Variants in CNTNAP5 observed in about 807,000 individuals in gnomAD.
The protein encoded by CNTNAP5 is contactin-associated protein-like 5.
CNTNAP5 carries 72 observed loss-of-function variants against 150.2 expected under a neutral mutation model. That is an observed-to-expected ratio of 0.48 (90% confidence interval 0.40 to 0.58). The LOEUF is 0.58. Among genes scored for constraint, CNTNAP5 ranks in the 20% least tolerant of loss-of-function variants. The probability of loss-of-function intolerance (pLI) is 0.00; values close to 1 mark genes in which losing one functional copy is unlikely to be tolerated. For missense variants in CNTNAP5, 1,636 were observed against 1,626.2 expected (o/e 1.01, Z -0.10); for synonymous variants, 672 against 619.8 (o/e 1.08, Z -1.25).
intron 3 of CNTNAP5, among the ~76,000 whole-genome samples, chr2:124,291,236 A>G (rs1688282399): frequency 6.6e-6 from 1 of 152,134 alleles, no homozygotes; most frequent in South Asian, 2.1e-4. Flanking sequence ...TATCACTGCT[A>G]CCTACAACCA....
At chr2:124,662,015 C>CGATAGGCCT (rs1678603165) in intron 13 of CNTNAP5, among the ~76,000 whole-genome samples, 1 of 152,076 alleles carries the variant, frequency 6.6e-6, no homozygotes, top group African/African-American at 2.4e-5. Flanking sequence ...TCCCACCCCC[C>CGATAGGCCT]GATAGGCCTC....
intron 3 of CNTNAP5, among the ~76,000 whole-genome samples, chr2:124,265,394 C>G (rs1339986407): frequency 6.6e-6 from 1 of 152,164 alleles, no homozygotes; most frequent in African/African-American, 2.4e-5. Context: ...GCTGACTGCA[C>G]TAATGGGGTC....
chr2:124,025,555 GT>G lies in CNTNAP5; in HGVS notation c.-95del. The G allele has an allele frequency of 9.4e-7, 1 of 1,067,842 alleles. No homozygotes were observed. The highest frequency in any genetic ancestry group is 1.4e-6 in the Non-Finnish European group (1 of 689,812). The allele number at this position is 1,067,842 out of a possible 1,614,324, so 66.1% of individuals were successfully genotyped here. A position where few individuals can be genotyped will look rare whatever the true frequency, so the allele number is the denominator to read the frequency against. ...CCTCTCCAAGCGGGGGTGGGAGGGG[GT>G]CAGGCTGTGCAGAGGAGAGAGACAG... On this transcript the variant is annotated 5_prime_UTR_variant, in exon 1 of 24. Coordinates refer to ENST00000682447, the MANE Select transcript of CNTNAP5 (RefSeq NM_001367498.1).
chr2:124,161,663 G>T (rs1037452279), intron 1 of CNTNAP5, among the ~76,000 whole-genome samples: 1 of 152,130 alleles, frequency 6.6e-6, no homozygotes, highest in Non-Finnish European at 1.5e-5. Context: ...TAAAGAAAAT[G>T]ATTTTGAAAG....
intron 1 of CNTNAP5, among the ~76,000 whole-genome samples, chr2:124,081,777 G>T (rs1045215307): frequency 1.3e-5 from 2 of 152,178 alleles, no homozygotes; most frequent in Admixed American, 6.5e-5. Context: ...TGTTCATTTT[G>T]AGATAGTTGT....
rs569179755 is a variant in CNTNAP5, at chr2:124,229,537, G to GA, written c.187+7734dup. On this transcript the variant is annotated intron_variant, in intron 2 of 23. Transcript: ENST00000682447. ...GAGAACTAATTACTTTTGGAAAAAAGAAAAAACAAACACAACAAAATACAT... is the reference window on the plus strand; with the variant it reads ...GAGAACTAATTACTTTTGGAAAAAAGAAAAAAACAAACACAACAAAATACAT... Among the ~76,000 whole-genome samples, 818 of 152,126 alleles carry GA rather than the reference G, an allele frequency of 5.4e-3. 5 individuals carry two copies. The highest frequency in any genetic ancestry group is 0.012 in the Admixed American group (176 of 15,272).
chr2:124,600,285 T>G (rs771894184), intron 11 of CNTNAP5, among the ~76,000 whole-genome samples: 3 of 152,056 alleles, frequency 2.0e-5, no homozygotes, highest in Non-Finnish European at 2.9e-5. Context: ...GCAACTTCAG[T>G]GATGGGGTGC....
At chr2:124,758,435 ATGTG>A (rs374940333) in intron 14 of CNTNAP5, among the ~76,000 whole-genome samples, 1 of 151,782 alleles carries the variant, frequency 6.6e-6, no homozygotes, top group East Asian at 1.9e-4. Flanking sequence ...ATGAAGGAAC[ATGTG>A]TGTGTGTGTC....
chr2:124,697,381 G>T (rs1254823389), intron 13 of CNTNAP5, among the ~76,000 whole-genome samples: 2 of 152,010 alleles, frequency 1.3e-5, no homozygotes, highest in African/African-American at 4.8e-5. Context: ...GCTCCTCTTG[G>T]CTCTGACAGT....
intron 3 of CNTNAP5, among the ~76,000 whole-genome samples, chr2:124,277,112 C>G (rs1245306101): frequency 1.3e-5 from 2 of 152,084 alleles, no homozygotes; most frequent in African/African-American, 4.8e-5. Context: ...ATGTTGCTCC[C>G]TGAAACCCAA....
At chr2:124,105,799 C>T (rs555058076) in intron 1 of CNTNAP5, among the ~76,000 whole-genome samples, 24 of 151,934 alleles carry the variant, frequency 1.6e-4, no homozygotes, top group South Asian at 1.2e-3. Context: ...TTTACCCCAC[C>T]GTGACCAGAT....
intron 8 of CNTNAP5, among the ~76,000 whole-genome samples, chr2:124,514,940 A>G (rs142830258): frequency 2.0e-5 from 3 of 152,278 alleles, no homozygotes; most frequent in East Asian, 1.9e-4. Context: ...AGTTTAGCTT[A>G]ATGGTTAGCG....
intron 14 of CNTNAP5, among the ~76,000 whole-genome samples, chr2:124,747,652 A>C (rs1573590341): frequency 8.8e-6 from 1 of 113,360 alleles, no homozygotes; most frequent in African/African-American, 3.5e-5. Context: ...ACAGAGTCTC[A>C]CTCTGTCACC....
At chr2:124,101,113 G>A (rs1384582759) in intron 1 of CNTNAP5, among the ~76,000 whole-genome samples, 1 of 152,190 alleles carries the variant, frequency 6.6e-6, no homozygotes, top group African/African-American at 2.4e-5. Flanking sequence ...GAGGAGATAT[G>A]CGAATGCTTG....
intron 3 of CNTNAP5, among the ~76,000 whole-genome samples, chr2:124,331,441 A>G (rs1689347095): frequency 6.6e-6 from 1 of 152,068 alleles, no homozygotes; most frequent in Non-Finnish European, 1.5e-5. Flanking sequence ...CTAATTTTTT[A>G]TTTGGCAGTG....
At chr2:124,032,279 T>G (rs1385567574) in intron 1 of CNTNAP5, among the ~76,000 whole-genome samples, 2 of 151,928 alleles carry the variant, frequency 1.3e-5, no homozygotes, top group African/African-American at 4.8e-5. Flanking sequence ...GCTGGAGAAA[T>G]GGGAGGGGGG....
intron 1 of CNTNAP5, among the ~76,000 whole-genome samples, chr2:124,070,088 A>G (rs1682262804): frequency 6.6e-6 from 1 of 152,128 alleles, no homozygotes; most frequent in Admixed American, 6.6e-5. Flanking sequence ...CTTTTTGTTT[A>G]CGCAATTAGT....
At chr2:124,167,499 T>G (rs1298695025) in intron 1 of CNTNAP5, among the ~76,000 whole-genome samples, 1 of 152,228 alleles carries the variant, frequency 6.6e-6, no homozygotes, top group Non-Finnish European at 1.5e-5. Context: ...AACACTTTTC[T>G]CACTGTGTTT....
intron 18 of CNTNAP5, among the ~76,000 whole-genome samples, chr2:124,794,209 C>G (rs191942707): frequency 1.3e-5 from 2 of 152,200 alleles, no homozygotes; most frequent in African/African-American, 4.8e-5. Flanking sequence ...ACAGATAAAT[C>G]GTGGAGCTCT....
Sources: gnomAD v4.1 joint callset for allele counts (sites outside exome capture counted in the v4.1 genomes callset) on GRCh38, gnomAD v4.1.1 for gene constraint, MANE v1.5 for transcripts, NCBI Gene and HGNC (gene_info 2026-07-23, HGNC 2026-07-21) for gene names.